Variants in RILPL1 observed in about 807,000 individuals in gnomAD.
RILPL1 encodes the protein Rab interacting lysosomal protein like 1.
Under a neutral mutation model 50.3 loss-of-function variants are expected in RILPL1, and 33 were observed. The ratio of observed to expected loss-of-function variants is 0.66; its 90% confidence interval spans 0.50 to 0.88. The LOEUF (loss-of-function observed/expected upper bound fraction) is 0.88, where lower values mean the gene tolerates loss of function less well. RILPL1 is among the 40% of genes least tolerant of loss of function. RILPL1 has a pLI of 0.00. For synonymous variants in RILPL1, 205 were observed against 228.6 expected (o/e 0.90, Z 0.93); for missense variants, 418 against 542.5 (o/e 0.77, Z 2.28).
At chr12:123,500,575 G>A (rs1056220449) in intron 2 of RILPL1, among the ~76,000 whole-genome samples, 2 of 152,086 alleles carry the variant, frequency 1.3e-5, no homozygotes, top group Admixed American at 1.3e-4. Flanking sequence ...GTGAGCCACC[G>A]CACCCAGCCT....
In RILPL1 at chr12:123,491,046, G is replaced by A. The variant is rs1032354993; in HGVS notation, c.802-5241C>T. Among the ~76,000 whole-genome samples the A allele has an allele frequency of 2.0e-5, 3 of 152,178 alleles. No homozygotes were observed. Among genetic ancestry groups the A allele is most frequent in the Admixed American group, 6.5e-5 (1 of 15,272 alleles). On this transcript the variant is annotated intron_variant, in intron 4 of 6. Transcript: ENST00000376874. The surrounding 1 kb of genome is among the most constrained non-coding windows in gnomAD (Gnocchi z 4.0). ...ATTACAGGCGTGAGCCACCATGCCCGCCCTGACTTCTAATACTATTGCCTG... is the reference window on the plus strand; with the variant it reads ...ATTACAGGCGTGAGCCACCATGCCCACCCTGACTTCTAATACTATTGCCTG...
chr12:123,523,364 A>T, intron 2 of RILPL1, 131 bp downstream of exon 2: 1 of 1,055,780 alleles, frequency 9.5e-7, no homozygotes, highest in Non-Finnish European at 1.4e-6. Context: ...TCAACACAAT[A>T]CAGAAGGCAA....
intron 2 of RILPL1, chr12:123,519,947 G>A (rs895487481): frequency 3.3e-5 from 5 of 152,408 alleles, no homozygotes; most frequent in Non-Finnish European, 7.3e-5. Context: ...AGGGCGCTGC[G>A]AGCATGCGTG....
chr12:123,528,743 T>C (rs2139392973), intron 1 of RILPL1, among the ~76,000 whole-genome samples: 1 of 152,220 alleles, frequency 6.6e-6, no homozygotes, highest in East Asian at 1.9e-4. Flanking sequence ...GTTGATTTGT[T>C]ACAGCAGCCA....
chr12:123,524,823 G>T (rs1885194161), intron 1 of RILPL1, among the ~76,000 whole-genome samples: 1 of 152,172 alleles, frequency 6.6e-6, no homozygotes, highest in Non-Finnish European at 1.5e-5. Context: ...CTTTTGGGGG[G>T]TGATGAAAAT....
At chr12:123,520,948 A>G (rs1042197174) in intron 2 of RILPL1, among the ~76,000 whole-genome samples, 5 of 152,204 alleles carry the variant, frequency 3.3e-5, no homozygotes, top group African/African-American at 1.2e-4. Flanking sequence ...GCCCTGGGTC[A>G]AAGGGTCCCA....
chr12:123,479,675 G>A (rs1393022253), intron 6 of RILPL1, among the ~76,000 whole-genome samples: 2 of 152,166 alleles, frequency 1.3e-5, no homozygotes, highest in Admixed American at 6.6e-5. Context: ...TGCTCTCCCA[G>A]TTATCCCCCA....
intron 6 of RILPL1, among the ~76,000 whole-genome samples, chr12:123,480,546 T>C (rs1249897966): frequency 1.3e-5 from 2 of 152,084 alleles, no homozygotes; most frequent in South Asian, 2.1e-4. Context: ...CCTCAGCCCA[T>C]GCAGAGACTA....
At chr12:123,503,186 CTT>C (rs373514624) in intron 2 of RILPL1, among the ~76,000 whole-genome samples, 4 of 80,728 alleles carry the variant, frequency 5.0e-5, no homozygotes, top group African/African-American at 2.2e-4. Flanking sequence ...CACGCCTGGC[CTT>C]TTTTTTTTTT....
chr12:123,493,077 G>T (rs1882803322), intron 4 of RILPL1, among the ~76,000 whole-genome samples: 1 of 152,152 alleles, frequency 6.6e-6, no homozygotes, highest in Non-Finnish European at 1.5e-5. Flanking sequence ...GCCTCTTGCA[G>T]TTGAGACAAG....
intron 6 of RILPL1, among the ~76,000 whole-genome samples, chr12:123,477,660 A>G (rs552741476): frequency 1.3e-5 from 2 of 152,068 alleles, no homozygotes; most frequent in South Asian, 4.1e-4. Flanking sequence ...AACCTCCTGG[A>G]TGGTTTCTCA....
chr12:123,524,641 C>A (rs191408111), intron 1 of RILPL1, among the ~76,000 whole-genome samples: 7 of 152,020 alleles, frequency 4.6e-5, no homozygotes, highest in African/African-American at 1.7e-4. Context: ...ATAGGTGGAC[C>A]CTGAAAACAT....
At chr12:123,476,564 G>A (rs1881605360) in intron 6 of RILPL1, among the ~76,000 whole-genome samples, 1 of 152,062 alleles carries the variant, frequency 6.6e-6, no homozygotes, top group Non-Finnish European at 1.5e-5. Context: ...GGGGACATCT[G>A]GACAGAGATG....
chr12:123,530,057 G>A (rs905992375), intron 1 of RILPL1, among the ~76,000 whole-genome samples: 3 of 152,156 alleles, frequency 2.0e-5, no homozygotes, highest in African/African-American at 7.2e-5. Context: ...AGGAAAAAAA[G>A]AGTGCAGAAT....
chr12:123,521,223 T>C (rs1884988375), intron 2 of RILPL1, among the ~76,000 whole-genome samples: 2 of 152,018 alleles, frequency 1.3e-5, no homozygotes, highest in African/African-American at 2.4e-5. Context: ...ATGACAAGCT[T>C]ATGAGGGAGG....
At chr12:123,518,566 T>C (rs1034789307) in intron 2 of RILPL1, among the ~76,000 whole-genome samples, 7 of 151,600 alleles carry the variant, frequency 4.6e-5, no homozygotes, top group African/African-American at 1.7e-4. Context: ...TACGTTAGAT[T>C]TTTTCACAAT....
intron 2 of RILPL1, among the ~76,000 whole-genome samples, chr12:123,512,794 TGTGTGTGTGTG>T (rs1884433170): frequency 7.1e-6 from 1 of 141,670 alleles, no homozygotes. Flanking sequence ...GTGAGGTTTG[TGTGTGTGTGTG>T]GTGTGAGATC....
At chr12:123,497,533 T>A (rs1883104580) in intron 4 of RILPL1, among the ~76,000 whole-genome samples, 1 of 152,022 alleles carries the variant, frequency 6.6e-6, no homozygotes, top group African/African-American at 2.4e-5. Flanking sequence ...GGATAACAGA[T>A]GCCCACCACC....
intron 6 of RILPL1, among the ~76,000 whole-genome samples, chr12:123,478,056 G>A (rs1360686688): frequency 7.3e-6 from 1 of 137,302 alleles, no homozygotes; most frequent in Non-Finnish European, 1.5e-5. Flanking sequence ...GAGTGCAGTG[G>A]TGCAATCTGG....
Sources: gnomAD v4.1 joint callset for allele counts (sites outside exome capture counted in the v4.1 genomes callset) on GRCh38, gnomAD v4.1.1 for gene constraint, Gnocchi (gnomAD v3.1) non-coding constraint, MANE v1.5 for transcripts, NCBI Gene and HGNC (gene_info 2026-07-23, HGNC 2026-07-21) for gene names.